Variants in CNTN5 observed in about 807,000 individuals in gnomAD.
The protein encoded by CNTN5 is contactin-5.
CNTN5 carries 77 observed loss-of-function variants against 129.1 expected under a neutral mutation model. The observed-to-expected ratio is 0.60, with a 90% CI of 0.50 to 0.72. CNTN5 has a LOEUF of 0.72. Ranked by LOEUF, CNTN5 falls within the 30% of genes least tolerant of loss-of-function variation. The pLI, the probability that CNTN5 is intolerant of heterozygous loss-of-function variation, is 0.00. For missense variants in CNTN5, 1,478 were observed against 1,328.8 expected (o/e 1.11, Z -1.75); for synonymous variants, 509 against 465.6 (o/e 1.09, Z -1.20).
At chr11:99,537,868 A>G (rs557602609) in intron 2 of CNTN5, among the ~76,000 whole-genome samples, 2 of 152,160 alleles carry the variant, frequency 1.3e-5, no homozygotes, top group Admixed American at 1.3e-4. Context: ...GTGGGAGGCT[A>G]CTCTAATGCT....
At chr11:99,195,904 T>C (rs7930677) in intron 1 of CNTN5, among the ~76,000 whole-genome samples, 7,565 of 152,098 alleles carry the variant, frequency 0.05, 620 homozygotes, top group African/African-American at 0.17. Context: ...AATACTTTAT[T>C]CTGTCTACAG....
chr11:99,850,912 T>C (rs1385391096), intron 6 of CNTN5, among the ~76,000 whole-genome samples: 1 of 152,224 alleles, frequency 6.6e-6, no homozygotes, highest in East Asian at 1.9e-4. Context: ...ACAGCATCCC[T>C]ACTTCAATTC....
At chr11:99,326,322 T>C (rs1007155197) in intron 2 of CNTN5, among the ~76,000 whole-genome samples, 2 of 152,218 alleles carry the variant, frequency 1.3e-5, no homozygotes, top group Non-Finnish European at 2.9e-5. Context: ...TTTCTGCTTA[T>C]TTATAAAATG....
At chr11:99,961,625 A>G (rs1239419177) in intron 8 of CNTN5, among the ~76,000 whole-genome samples, 1 of 152,224 alleles carries the variant, frequency 6.6e-6, no homozygotes, top group Non-Finnish European at 1.5e-5. Flanking sequence ...GACATAACAC[A>G]CTGAACAACT....
At chr11:99,683,701 A>G (rs1346120316) in intron 3 of CNTN5, among the ~76,000 whole-genome samples, 4 of 151,886 alleles carry the variant, frequency 2.6e-5, no homozygotes, top group East Asian at 3.9e-4. Flanking sequence ...CATTGAGTCT[A>G]TATATGAATT....
chr11:99,112,806 C>G (rs1857859320), intron 1 of CNTN5, among the ~76,000 whole-genome samples: 1 of 152,074 alleles, frequency 6.6e-6, no homozygotes, highest in East Asian at 1.9e-4. Flanking sequence ...ATGGTAATCA[C>G]TGAAATTTTG....
At chr11:100,296,734 A>G (rs1951106799) in intron 18 of CNTN5, among the ~76,000 whole-genome samples, 1 of 151,554 alleles carries the variant, frequency 6.6e-6, no homozygotes. Flanking sequence ...TCTGGTGTAT[A>G]AAAGGCTGTG....
intron 9 of CNTN5, among the ~76,000 whole-genome samples, chr11:100,029,455 C>T (rs540922418): frequency 2.6e-4 from 40 of 151,986 alleles, no homozygotes; most frequent in African/African-American, 3.9e-4. Flanking sequence ...AGGTGGCAGG[C>T]GCCTGTAGTC....
At chr11:100,050,951 A>G (rs867411716) in intron 9 of CNTN5, among the ~76,000 whole-genome samples, 3 of 152,182 alleles carry the variant, frequency 2.0e-5, no homozygotes. Context: ...GCAAAAGTTG[A>G]CAGTACTTAA....
chr11:100,007,129 A>C (rs1043352275), intron 9 of CNTN5, among the ~76,000 whole-genome samples: 1 of 152,060 alleles, frequency 6.6e-6, no homozygotes, highest in African/African-American at 2.4e-5. Flanking sequence ...GTGGGCTTAA[A>C]ATATTTAGTA....
chr11:100,104,061 T>A (rs943621615), intron 13 of CNTN5, among the ~76,000 whole-genome samples: 1 of 151,572 alleles, frequency 6.6e-6, no homozygotes, highest in Non-Finnish European at 1.5e-5. Context: ...ACAAAACAGA[T>A]GAAAGCTCTG....
intron 1 of CNTN5, among the ~76,000 whole-genome samples, chr11:99,119,367 C>A (rs1050031179): frequency 6.6e-6 from 1 of 152,146 alleles, no homozygotes; most frequent in Non-Finnish European, 1.5e-5. Flanking sequence ...TTGGCTCCCA[C>A]TTATAAAATG....
chr11:99,822,881 A>C (rs943776617), intron 4 of CNTN5, among the ~76,000 whole-genome samples: 1 of 152,226 alleles, frequency 6.6e-6, no homozygotes, highest in African/African-American at 2.4e-5. Context: ...TACAAAAGCC[A>C]CTGGCTTCCA....
At chr11:99,419,520 T>A (rs1023494707) in intron 2 of CNTN5, among the ~76,000 whole-genome samples, 1 of 152,162 alleles carries the variant, frequency 6.6e-6, no homozygotes, top group African/African-American at 2.4e-5. Flanking sequence ...GGCTAATTGG[T>A]TGTTTTAGCT....
chr11:100,202,635 TTGTC>T (rs1428865362), intron 15 of CNTN5, among the ~76,000 whole-genome samples: 2 of 151,886 alleles, frequency 1.3e-5, no homozygotes, highest in South Asian at 2.1e-4. Context: ...AACAGTTTCA[TTGTC>T]TGAGTAAGAC....
chr11:99,668,486 C>T (rs2135938633), intron 3 of CNTN5, among the ~76,000 whole-genome samples: 1 of 152,226 alleles, frequency 6.6e-6, no homozygotes, highest in East Asian at 1.9e-4. Context: ...AGGACCACAG[C>T]TTAAGAAACT....
rs145145016 is a variant in CNTN5, at chr11:99,770,209, A to T, written c.56-49335A>T. On this transcript the variant is annotated intron_variant, in intron 3 of 24. Coordinates refer to ENST00000524871, the MANE Select transcript of CNTN5 (RefSeq NM_014361.4). ...TTGCTTATATTAGCATATAATATTA[A>T]GGTTTGCTTTATCTTTTCTCTTAAA... Among the ~76,000 whole-genome samples, 700 of 152,234 alleles carry T rather than the reference A, an allele frequency of 4.6e-3. 8 individuals carry two copies. Among genetic ancestry groups the T allele is most frequent in the African/African-American group, 0.016 (661 of 41,578 alleles).
At chr11:99,620,523 C>CTTTTTTTTTTT in intron 3 of CNTN5, among the ~76,000 whole-genome samples, 1 of 83,262 alleles carries the variant, frequency 1.2e-5, no homozygotes, top group Non-Finnish European at 2.9e-5. Context: ...TTTTTTTTTT[C>CTTTTTTTTTTT]TTTTTGCTCT....
At chr11:99,175,150 C>T (rs1270046145) in intron 1 of CNTN5, among the ~76,000 whole-genome samples, 1 of 148,538 alleles carries the variant, frequency 6.7e-6, no homozygotes, top group East Asian at 1.9e-4. Context: ...AGAAGGATTG[C>T]TTGAGCCCAG....
Sources: allele counts gnomAD v4.1 joint callset (sites outside exome capture counted in the v4.1 genomes callset), GRCh38; gene constraint gnomAD v4.1.1; transcripts MANE v1.5; gene names NCBI Gene and HGNC (gene_info 2026-07-23, HGNC 2026-07-21).